Variants in ARHGAP20 observed in about 807,000 individuals in gnomAD.
The protein encoded by ARHGAP20 is Rho GTPase activating protein 20, also known as rho GTPase-activating protein 20.
A neutral mutation model predicts 73.7 loss-of-function variants in ARHGAP20; 34 were observed. The observed-to-expected ratio is 0.46, with a 90% CI of 0.35 to 0.61. ARHGAP20 has a LOEUF of 0.61. ARHGAP20 is among the 20% of genes least tolerant of loss of function. ARHGAP20 has a pLI of 0.00. For missense variants in ARHGAP20, 1,314 were observed against 1,420.9 expected, an observed-to-expected ratio of 0.92 and a Z score of 1.21; for synonymous variants, 523 against 518.2, an observed-to-expected ratio of 1.01 and a Z score of -0.13.
rs555641905 is a variant in ARHGAP20, at chr11:110,710,422, G to A, written c.105+1705C>T. Among the ~76,000 whole-genome samples the A allele has an allele frequency of 3.3e-5, 5 of 149,348 alleles. No homozygotes were observed. In the East Asian group the frequency reaches 9.8e-4, roughly 29 times the overall value. ...TTTAATGCTTCCTCCCTTTGGCAGT[G>A]TTATACCCTTAGTAAAAAAAAAAGA... On this transcript the variant is annotated intron_variant, in intron 1 of 14. Transcript: ENST00000683387.
intron 9 of ARHGAP20, among the ~76,000 whole-genome samples, chr11:110,604,645 G>A (rs1948182367): frequency 6.6e-6 from 1 of 152,120 alleles, no homozygotes; most frequent in South Asian, 2.1e-4. Context: ...GAAAGACCAT[G>A]ATATCTCAGT....
intron 2 of ARHGAP20, among the ~76,000 whole-genome samples, chr11:110,682,173 T>G (rs1208642728): frequency 1.3e-5 from 2 of 152,210 alleles, no homozygotes; most frequent in African/African-American, 4.8e-5. Flanking sequence ...TTTCATCTTT[T>G]TAATTTCCCA....
chr11:110,650,188 G>T (rs1054562826), intron 2 of ARHGAP20, among the ~76,000 whole-genome samples: 3 of 152,048 alleles, frequency 2.0e-5, no homozygotes, highest in Non-Finnish European at 4.4e-5. Context: ...CAGCTGGATG[G>T]TAAGCTCCTA....
At chr11:110,702,654 A>T (rs1245604119) in intron 1 of ARHGAP20, among the ~76,000 whole-genome samples, 1 of 152,164 alleles carries the variant, frequency 6.6e-6, no homozygotes, top group Non-Finnish European at 1.5e-5. Context: ...CTCAGCCCAA[A>T]ATCTCCTTAA....
At chr11:110,704,999 A>G (rs191367190) in intron 1 of ARHGAP20, among the ~76,000 whole-genome samples, 41 of 152,270 alleles carry the variant, frequency 2.7e-4, no homozygotes, top group African/African-American at 9.9e-4. Flanking sequence ...TATAACTTTG[A>G]TATTATATAC....
chr11:110,686,240 C>A (rs1950129335), intron 2 of ARHGAP20, among the ~76,000 whole-genome samples: 2 of 151,662 alleles, frequency 1.3e-5, no homozygotes, highest in Non-Finnish European at 2.9e-5. Context: ...AAAAAGTGGA[C>A]AAAATTCAAA....
chr11:110,681,685 T>C (rs1166987266), intron 2 of ARHGAP20, among the ~76,000 whole-genome samples: 1 of 152,176 alleles, frequency 6.6e-6, no homozygotes, highest in African/African-American at 2.4e-5. Flanking sequence ...GAGGAATTCG[T>C]AGAACACAAT....
intron 2 of ARHGAP20, 53 bp downstream of exon 2, chr11:110,690,494 A>G: frequency 6.6e-7 from 1 of 1,503,844 alleles, no homozygotes; most frequent in Non-Finnish European, 9.2e-7. Flanking sequence ...CTCTTCATCT[A>G]ATATAAACTT....
At chr11:110,662,720 T>A (rs1304795225) in intron 2 of ARHGAP20, among the ~76,000 whole-genome samples, 1 of 151,968 alleles carries the variant, frequency 6.6e-6, no homozygotes, top group African/African-American at 2.4e-5. Flanking sequence ...GTCCTGAATC[T>A]GAATTGGAAA....
At chr11:110,616,685 TC>T (rs1425523866) in intron 4 of ARHGAP20, among the ~76,000 whole-genome samples, 8 of 139,192 alleles carry the variant, frequency 5.7e-5, no homozygotes, top group Non-Finnish European at 1.3e-4. Context: ...CACATTTTTT[TC>T]TTTTTTTTTT....
chr11:110,693,648 CTAA>C (rs1049406679), intron 1 of ARHGAP20, among the ~76,000 whole-genome samples: 4 of 151,864 alleles, frequency 2.6e-5, no homozygotes, highest in Non-Finnish European at 5.9e-5. Context: ...CAAAGGGCCA[CTAA>C]TAACTTCAAA....
chr11:110,691,088 G>T lies in ARHGAP20; in HGVS notation c.106-459C>A. On this transcript the variant is annotated intron_variant, in intron 1 of 14. Coordinates refer to ENST00000683387, the MANE Select transcript of ARHGAP20 (RefSeq NM_001384657.1). ...AGAGGAAAAAACAGTTAAAGCAAAA[G>T]CACAGAGACTAGATTTTTGCATAAA... 2.8e-6 allele frequency: 3 copies of T among 1,090,678 alleles called. No homozygotes were observed. The South Asian group carries it at 5.6e-5, about 20-fold the overall frequency. The allele number at this position is 1,090,678 out of a possible 1,614,324, so 67.6% of individuals were successfully genotyped here. A position where few individuals can be genotyped will look rare whatever the true frequency, so the allele number is the denominator to read the frequency against.
At chr11:110,670,395 CATT>C (rs1405060870) in intron 2 of ARHGAP20, among the ~76,000 whole-genome samples, 1 of 151,914 alleles carries the variant, frequency 6.6e-6, no homozygotes, top group Admixed American at 6.6e-5. Context: ...AAAGAAGGAA[CATT>C]ATAGCTCCTA....
chr11:110,580,125 G>A lies in ARHGAP20; in HGVS notation c.2821C>T (p.Pro941Ser), dbSNP rs1947407722. Residue 941 changes from proline (P) to serine (S), a missense_variant, in exon 15 of 15, where the codon CCA (proline) becomes TCA (serine). Around this residue, in one of 3 missense-constraint regions of ARHGAP20, gnomAD observed 641 missense variants for 636.9 expected, o/e 1.01. Transcript: ENST00000683387. ...PRTSYSSLSSPGTSPSGSSVS... is the reference protein window; with the variant it reads ...PRTSYSSLSSSGTSPSGSSVS... ...GATGAGCCGGATGGGGAAGTGCCTG[G>A]GGAGGATAAGCTGGAATAGCTGGTC... 1 of 1,614,162 alleles carries A rather than the reference G, an allele frequency of 6.2e-7. No homozygotes were observed. Among genetic ancestry groups the A allele is most frequent in the Admixed American group, 1.7e-5 (1 of 60,028 alleles).
rs12274921 is a variant in ARHGAP20, at chr11:110,584,361, T to C, written c.1416-624A>G. Among the ~76,000 whole-genome samples, 1,067 of 137,960 alleles carry C rather than the reference T, an allele frequency of 7.7e-3. 15 individuals are homozygous for C. The highest frequency in any genetic ancestry group is 0.027 in the African/African-American group (1,008 of 36,792). 90.5% of individuals were successfully genotyped at this position (137,960 alleles called of 152,430 possible). On this transcript the variant is annotated intron_variant, in intron 12 of 14. Transcript: ENST00000683387. ...TGATAAGGGATTTGTAAATGATCAG[T>C]CAGCAAAAATGACTACTATTATCCC...
Position 110,673,725 on chromosome 11 carries a change from G to A in ARHGAP20, c.188+16822C>T, listed in dbSNP as rs192546947. Among the ~76,000 whole-genome samples, 470 of 152,202 alleles carry A rather than the reference G, an allele frequency of 3.1e-3. 2 individuals carry two copies. The highest frequency in any genetic ancestry group is 8.8e-3 in the Admixed American group (134 of 15,284). ...TGATGATCTCTGATCTGTCCACATG[G>A]AGCCAGAACAGACAGAACCTTATGG... On this transcript the variant is annotated intron_variant, in intron 2 of 14. Transcript: ENST00000683387.
At chr11:110,700,095 C>T (rs760980288) in intron 1 of ARHGAP20, among the ~76,000 whole-genome samples, 147 of 151,972 alleles carry the variant, frequency 9.7e-4, no homozygotes, top group Non-Finnish European at 1.5e-3. Flanking sequence ...CTCTAAATCA[C>T]TCTGAATCTG....
chr11:110,666,326 G>C (rs1377594716), intron 2 of ARHGAP20, among the ~76,000 whole-genome samples: 1 of 152,094 alleles, frequency 6.6e-6, no homozygotes, highest in Non-Finnish European at 1.5e-5. Context: ...GAAATCAGCA[G>C]CATTATTATT....
At chr11:110,660,176 A>G (rs577581368) in intron 2 of ARHGAP20, among the ~76,000 whole-genome samples, 1 of 152,154 alleles carries the variant, frequency 6.6e-6, no homozygotes, top group African/African-American at 2.4e-5. Flanking sequence ...CTACTCTTGG[A>G]ATTTTTGACT....
Sources: gnomAD v4.1 joint callset for allele counts (sites outside exome capture counted in the v4.1 genomes callset) on GRCh38, gnomAD v4.1.1 for gene constraint, gnomAD v4.1.1 regional missense constraint, MANE v1.5 for transcripts, NCBI Gene and HGNC (gene_info 2026-07-23, HGNC 2026-07-21) for gene names.